NFIB: variants seen among roughly 807,000 people sequenced by gnomAD.
The protein encoded by NFIB is nuclear factor 1 B-type.
A neutral mutation model predicts 61.5 loss-of-function variants in NFIB; 11 were observed. The observed-to-expected ratio is 0.18, with a 90% CI of 0.11 to 0.30. NFIB has a LOEUF of 0.30. Ranked by LOEUF, NFIB falls within the 10% of genes least tolerant of loss-of-function variation. The pLI is 1.00. For missense variants in NFIB, 471 were observed against 608.9 expected (o/e 0.77, Z 2.38); for synonymous variants, 260 against 216.5 (o/e 1.20, Z -1.76).
intron 1 of NFIB, among the ~76,000 whole-genome samples, chr9:14,376,516 T>A (rs1564041384): frequency 7.9e-6 from 1 of 127,330 alleles, no homozygotes; most frequent in Non-Finnish European, 1.6e-5. Flanking sequence ...TCTAAAAGTG[T>A]CATTTTTTTT....
At chr9:14,518,114 A>C in the NFIB span, among the ~76,000 whole-genome samples, 1 of 152,228 alleles carries the variant, frequency 6.6e-6, no homozygotes, top group Admixed American at 6.5e-5. Context: ...TTACAAATGC[A>C]GTGTTGATAA....
chr9:14,148,775 C>T (rs991279155), intron 5 of NFIB, among the ~76,000 whole-genome samples: 1 of 152,186 alleles, frequency 6.6e-6, no homozygotes, highest in Admixed American at 6.5e-5. Flanking sequence ...ATTTGACTCA[C>T]AATTCTCAGA....
chr9:14,166,660 T>C (rs2044826125), intron 3 of NFIB, among the ~76,000 whole-genome samples: 1 of 152,172 alleles, frequency 6.6e-6, no homozygotes, highest in Non-Finnish European at 1.5e-5. Flanking sequence ...TCCTCCAATT[T>C]CTCCACAATG....
At chr9:14,375,957 A>T (rs1460244402) in intron 1 of NFIB, among the ~76,000 whole-genome samples, 1 of 152,224 alleles carries the variant, frequency 6.6e-6, no homozygotes, top group Non-Finnish European at 1.5e-5. Flanking sequence ...CTAGCTTGAG[A>T]ACCCAGTCTG....
chr9:14,266,594 CA>C (rs150756221), intron 2 of NFIB, among the ~76,000 whole-genome samples: 6 of 146,324 alleles, frequency 4.1e-5, no homozygotes, highest in African/African-American at 7.5e-5. Context: ...GACCTTGTCT[CA>C]AAAAAAAAAC....
At chr9:14,174,597 C>A (rs993701375) in intron 3 of NFIB, among the ~76,000 whole-genome samples, 2 of 151,898 alleles carry the variant, frequency 1.3e-5, no homozygotes, top group African/African-American at 4.8e-5. Context: ...GAAACCCCAT[C>A]TCTACTAAAA....
At chr9:14,352,287 T>C (rs2061122326) in intron 1 of NFIB, among the ~76,000 whole-genome samples, 1 of 152,048 alleles carries the variant, frequency 6.6e-6, no homozygotes, top group Non-Finnish European at 1.5e-5. Context: ...TGTATTTGTA[T>C]ATATAATAGA....
chr9:14,394,647 G>C (rs2061661632), intron 1 of NFIB, among the ~76,000 whole-genome samples: 1 of 152,176 alleles, frequency 6.6e-6, no homozygotes, highest in Non-Finnish European at 1.5e-5. Flanking sequence ...TTCAAGGTGA[G>C]ATTTGGGTGG....
chr9:14,440,331 C>T, the NFIB span, among the ~76,000 whole-genome samples: 4 of 152,256 alleles, frequency 2.6e-5, no homozygotes, highest in South Asian at 2.1e-4. Context: ...CCCTGAAGTG[C>T]GGTCTAATTT....
the NFIB span, among the ~76,000 whole-genome samples, chr9:14,466,522 G>A: frequency 6.6e-6 from 1 of 152,132 alleles, no homozygotes; most frequent in Non-Finnish European, 1.5e-5. Flanking sequence ...CATGAGGCCA[G>A]AGGAAAAAGC....
In NFIB at chr9:14,116,325, C is replaced by T. The variant is rs1386665434; in HGVS notation, c.1267G>A (p.Val423Ile). The T allele has an allele frequency of 2.6e-6, 4 of 1,524,416 alleles. No homozygotes were observed. The highest frequency in any genetic ancestry group is 1.3e-5 in the South Asian group (1 of 78,924). 94.4% of individuals were successfully genotyped at this position (1,524,416 alleles called of 1,614,324 possible). The change falls in exon 9 of 11, where the codon GTA (valine) becomes ATA (isoleucine). Residue 423 changes from valine (V) to isoleucine (I), a missense_variant. By Grantham distance (29) the Val-to-Ile change is conservative. Around this residue, in one of 2 missense-constraint regions of NFIB, gnomAD observed 372 missense variants for 395.6 expected, o/e 0.94. Coordinates refer to ENST00000380953, the MANE Select transcript of NFIB (RefSeq NM_001190737.2). ...GTGAAATGGCCAGGCACTTTCCCTA[C>T]TACTTGACCACTGCCGTTAGGCTAC... Reference protein sequence around the residue: ...TSQPNGSGQVVGKVPGHFTPV... With the variant: ...TSQPNGSGQVIGKVPGHFTPV...
the NFIB span, among the ~76,000 whole-genome samples, chr9:14,486,696 TAC>T: frequency 2.1e-4 from 31 of 149,870 alleles, no homozygotes; most frequent in African/African-American, 4.7e-4. Context: ...TGCATGTAAA[TAC>T]ACACACACAC....
the NFIB span, among the ~76,000 whole-genome samples, chr9:14,450,886 T>A: frequency 1.3e-5 from 2 of 152,258 alleles, no homozygotes; most frequent in Admixed American, 1.3e-4. Flanking sequence ...TAGCTACACT[T>A]TACCCAGTGC....
intron 1 of NFIB, among the ~76,000 whole-genome samples, chr9:14,380,090 C>T (rs1377079257): frequency 2.0e-5 from 3 of 152,056 alleles, no homozygotes; most frequent in East Asian, 3.9e-4. Flanking sequence ...AAATAATATA[C>T]AATTTTCTAA....
Position 14,293,474 on chromosome 9 carries a change from A to G in NFIB, c.562+13515T>C, listed in dbSNP as rs553689758. On this transcript the variant is annotated intron_variant, in intron 2 of 10. Coordinates refer to ENST00000380953, the MANE Select transcript of NFIB (RefSeq NM_001190737.2). ...AGTATGAAAAACTCAACAATAATAA[A>G]GAAGCCCATGGTGAGGAGGAAATTA... 2.0e-5 allele frequency among the ~76,000 whole-genome samples: 3 copies of G among 152,368 alleles called. No individual in the cohort carries two copies. The South Asian group carries it at 6.2e-4, about 32-fold the overall frequency.
chr9:14,159,665 T>A (rs2043916097), intron 3 of NFIB, among the ~76,000 whole-genome samples: 1 of 152,236 alleles, frequency 6.6e-6, no homozygotes, highest in Admixed American at 6.5e-5. Context: ...AGTACTCAGA[T>A]ACTTAAAATA....
the NFIB span, among the ~76,000 whole-genome samples, chr9:14,449,251 T>G: frequency 6.6e-6 from 1 of 152,198 alleles, no homozygotes; most frequent in African/African-American, 2.4e-5. Flanking sequence ...TCCCCCAACA[T>G]TTTATTTCCC....
At chr9:14,390,133 A>T (rs2061602666) in intron 1 of NFIB, among the ~76,000 whole-genome samples, 1 of 152,178 alleles carries the variant, frequency 6.6e-6, no homozygotes, top group Admixed American at 6.5e-5. Flanking sequence ...AGCACCACTT[A>T]AAGTTCATTG....
intron 10 of NFIB, chr9:14,102,318 T>A: frequency 2.0e-6 from 2 of 1,014,590 alleles, no homozygotes; most frequent in Non-Finnish European, 2.9e-6. Context: ...CCAAAACAAC[T>A]AAATTTTTAA....
Sources: allele counts gnomAD v4.1 joint callset (sites outside exome capture counted in the v4.1 genomes callset), GRCh38; gene constraint gnomAD v4.1.1; regional missense constraint gnomAD v4.1.1; transcripts MANE v1.5; gene names NCBI Gene and HGNC (gene_info 2026-07-23, HGNC 2026-07-21).